The following KANK1 variants were observed in gnomAD, a reference collection of about 807,000 sequenced individuals.
The protein encoded by KANK1 is KN motif and ankyrin repeat domains 1.
Under a neutral mutation model 106.2 loss-of-function variants are expected in KANK1, and 109 were observed. The ratio of observed to expected loss-of-function variants is 1.03; its 90% CI spans 0.88 to 1.20. KANK1 has a LOEUF of 1.20. KANK1 is among the 50% of genes most tolerant of loss of function. KANK1 has a pLI of 0.00. For synonymous variants in KANK1, 873 were observed against 652.2 expected, an observed-to-expected ratio of 1.34 and a Z score of -5.16; for missense variants, 2,399 against 1,710.7, an observed-to-expected ratio of 1.40 and a Z score of -7.10.
At chr9:569,685 A>G (rs1211391819) in intron 1 of KANK1, among the ~76,000 whole-genome samples, 4 of 152,216 alleles carry the variant, frequency 2.6e-5, no homozygotes, top group African/African-American at 7.2e-5. Flanking sequence ...AATTGTGTTC[A>G]CTTTTCTTTC....
chr9:654,949 A>C (rs1841793701), intron 1 of KANK1, among the ~76,000 whole-genome samples: 1 of 152,122 alleles, frequency 6.6e-6, no homozygotes, highest in South Asian at 2.1e-4. Context: ...GAACCACTGG[A>C]ATAGACCAAT....
At chr9:626,910 A>G (rs571426765) in intron 1 of KANK1, among the ~76,000 whole-genome samples, 55 of 152,304 alleles carry the variant, frequency 3.6e-4, no homozygotes, top group African/African-American at 1.1e-3. Context: ...GGCGGCTGCT[A>G]TTGGTGTTTT....
chr9:737,313 G>C (rs1476216616), intron 7 of KANK1, among the ~76,000 whole-genome samples: 4 of 152,212 alleles, frequency 2.6e-5, no homozygotes, highest in Non-Finnish European at 5.9e-5. Flanking sequence ...AGAGATGGAA[G>C]CTCTATAATC....
chr9:690,812 A>G (rs1819727931), intron 2 of KANK1, among the ~76,000 whole-genome samples: 2 of 152,194 alleles, frequency 1.3e-5, no homozygotes, highest in Admixed American at 1.3e-4. Flanking sequence ...CCACCATCCC[A>G]GGGATAAAGA....
chr9:588,599 T>C (rs1275756105), intron 1 of KANK1, among the ~76,000 whole-genome samples: 1 of 152,222 alleles, frequency 6.6e-6, no homozygotes, highest in Non-Finnish European at 1.5e-5. Context: ...AAAAAGTGTT[T>C]GTTTTTAAAA....
chr9:583,575 T>A (rs1175523225), intron 1 of KANK1, among the ~76,000 whole-genome samples: 1 of 151,986 alleles, frequency 6.6e-6, no homozygotes, highest in South Asian at 2.1e-4. Flanking sequence ...TATATAAAGA[T>A]CCTTTATGGC....
chr9:552,396 C>A, intron 1 of KANK1, among the ~76,000 whole-genome samples: 1 of 152,256 alleles, frequency 6.6e-6, no homozygotes, highest in Non-Finnish European at 1.5e-5. Context: ...TTATGAAGGC[C>A]GCACACCCTC....
Position 678,550 on chromosome 9 carries a change from G to A in KANK1, c.37+1541G>A, listed in dbSNP as rs145971563. Among the ~76,000 whole-genome samples, 575 of 152,088 alleles carry A rather than the reference G, an allele frequency of 3.8e-3. 9 individuals are homozygous for A. The highest frequency in any genetic ancestry group is 0.013 in the African/African-American group (556 of 41,480). ...TCAAGACCAGCCTGGCCAACATGAC[G>A]AAACCCCATCTCTACAAAAATACAA... On this transcript the variant is annotated intron_variant, in intron 2 of 11. Transcript: ENST00000382297.
At chr9:557,203 A>G (rs2134252868) in intron 1 of KANK1, among the ~76,000 whole-genome samples, 1 of 152,098 alleles carries the variant, frequency 6.6e-6, no homozygotes, top group East Asian at 1.9e-4. Context: ...AAAAAAAAAA[A>G]AAAAATTTAT....
intron 1 of KANK1, among the ~76,000 whole-genome samples, chr9:534,080 G>C (rs774965224): frequency 6.6e-6 from 1 of 152,206 alleles, no homozygotes; most frequent in South Asian, 2.1e-4. Flanking sequence ...GGCAGAACCA[G>C]TTGTTTTCAG....
At chr9:620,405 ATT>A (rs879479788) in intron 1 of KANK1, among the ~76,000 whole-genome samples, 2 of 149,880 alleles carry the variant, frequency 1.3e-5, no homozygotes, top group Non-Finnish European at 3.0e-5. Flanking sequence ...GATAATTATA[ATT>A]TTTTTTTTTG....
intron 8 of KANK1, among the ~76,000 whole-genome samples, chr9:739,392 C>T (rs926389913): frequency 1.3e-5 from 2 of 152,216 alleles, no homozygotes; most frequent in Non-Finnish European, 2.9e-5. Flanking sequence ...ACTGTCCAAT[C>T]TCTTCTGCTC....
At chr9:533,597 G>C (rs1210870261) in intron 1 of KANK1, among the ~76,000 whole-genome samples, 1 of 152,148 alleles carries the variant, frequency 6.6e-6, no homozygotes, top group Non-Finnish European at 1.5e-5. Flanking sequence ...GTTTTTACTG[G>C]ATCATACTCT....
intron 1 of KANK1, among the ~76,000 whole-genome samples, chr9:611,945 C>T (rs1179242238): frequency 2.0e-5 from 3 of 152,204 alleles, no homozygotes; most frequent in Non-Finnish European, 2.9e-5. Flanking sequence ...GTCTCGATCT[C>T]CTGACCTTGT....
chr9:596,148 C>T (rs1826151382), intron 1 of KANK1, among the ~76,000 whole-genome samples: 1 of 151,828 alleles, frequency 6.6e-6, no homozygotes, highest in South Asian at 2.1e-4. Context: ...TAACCTGTCA[C>T]ATGAGGTCAG....
At position 606,171 on chromosome 9, in the gene KANK1, ACAC is replaced by A. The variant is rs1563847362; in HGVS notation, c.-83-70718_-83-70716del. Among the ~76,000 whole-genome samples, 60 of 150,392 alleles carry A rather than the reference ACAC, an allele frequency of 4.0e-4. 1 individual carries two copies. The highest frequency in any genetic ancestry group is 1.5e-3 in the African/African-American group (59 of 40,608). On this transcript the variant is annotated intron_variant, in intron 1 of 11. Transcript: ENST00000382297. ...CACACACACACACACACACACACAC[ACAC>A]ACACACACCACTCACACATATATAC...
chr9:566,714 C>T (rs58214968), intron 1 of KANK1, among the ~76,000 whole-genome samples: 8,276 of 151,118 alleles, frequency 0.055, 740 homozygotes, highest in African/African-American at 0.19. Context: ...TTGTTTTTTT[C>T]TTATAAATTT....
rs554743196 is a variant in KANK1 at position 597,238 on chromosome 9, T to TTC, written c.-83-79652_-83-79651insTC. ...TTTTCAGTTCTTTTAGGTTCATACT[T>TTC]AGAGGTGTAATTGCTGGGTTATATG... On this transcript the variant is annotated intron_variant, in intron 1 of 11. Coordinates refer to ENST00000382297, the MANE Select transcript of KANK1 (RefSeq NM_015158.5). 5.1e-4 allele frequency among the ~76,000 whole-genome samples: 78 copies of TTC among 151,994 alleles called. 2 individuals are homozygous for TTC. Among genetic ancestry groups the TTC allele is most frequent in the African/African-American group, 1.7e-3 (72 of 41,238 alleles).
At chr9:698,752 A>G (rs16922717) in intron 2 of KANK1, among the ~76,000 whole-genome samples, 15,614 of 152,206 alleles carry the variant, frequency 0.1, 1,263 homozygotes, top group East Asian at 0.35. Flanking sequence ...TATGGTGCAA[A>G]GGAGTTTGTT....
Sources: gnomAD v4.1 joint callset for allele counts (sites outside exome capture counted in the v4.1 genomes callset) on GRCh38, gnomAD v4.1.1 for gene constraint, MANE v1.5 for transcripts, NCBI Gene and HGNC (gene_info 2026-07-23, HGNC 2026-07-21) for gene names.